Variants in RAPGEF2 observed in about 807,000 individuals in gnomAD.
The protein encoded by RAPGEF2 is Rap guanine nucleotide exchange factor 2.
RAPGEF2 carries 54 observed loss-of-function variants against 186.7 expected under a neutral mutation model. That is an observed-to-expected ratio of 0.29 (90% CI 0.23 to 0.36). The LOEUF (loss-of-function observed/expected upper bound fraction) is 0.36. RAPGEF2 is among the 10% of genes least tolerant of loss of function. The probability of loss-of-function intolerance (pLI) is 1.00; values close to 1 mark genes in which losing one functional copy is unlikely to be tolerated. For missense variants in RAPGEF2, 1,532 were observed against 2,045.0 expected, an observed-to-expected ratio of 0.75 and a Z score of 4.84; for synonymous variants, 712 against 705.9, an observed-to-expected ratio of 1.01 and a Z score of -0.14.
At chr4:159,173,918 T>G (rs910916035) in intron 1 of RAPGEF2, among the ~76,000 whole-genome samples, 12 of 152,206 alleles carry the variant, frequency 7.9e-5, no homozygotes, top group Admixed American at 7.2e-4. Context: ...ATAAGATACT[T>G]TTAAAATGAA....
chr4:159,116,211 A>G (rs181018026), intron 1 of RAPGEF2, among the ~76,000 whole-genome samples: 53 of 152,302 alleles, frequency 3.5e-4, no homozygotes, highest in African/African-American at 1.2e-3. Flanking sequence ...AATATCCACA[A>G]TCTACAAGGA....
At chr4:159,177,667 C>T (rs1464343241) in intron 1 of RAPGEF2, among the ~76,000 whole-genome samples, 2 of 152,146 alleles carry the variant, frequency 1.3e-5, no homozygotes. Flanking sequence ...GCAGCTTAAC[C>T]ATAGCATATC....
At chr4:159,251,602 CCAAT>C (rs1437747598) in intron 7 of RAPGEF2, among the ~76,000 whole-genome samples, 1 of 152,004 alleles carries the variant, frequency 6.6e-6, no homozygotes, top group Non-Finnish European at 1.5e-5. Context: ...TGTAAACGCA[CCAAT>C]CAGTGCTCTG....
At chr4:159,132,374 G>T (rs1166968874) in intron 1 of RAPGEF2, among the ~76,000 whole-genome samples, 1 of 152,190 alleles carries the variant, frequency 6.6e-6, no homozygotes. Context: ...GTTGTGATGG[G>T]TGTGTGTATC....
At chr4:159,276,910 G>A (rs1459240753) in intron 7 of RAPGEF2, among the ~76,000 whole-genome samples, 1 of 151,978 alleles carries the variant, frequency 6.6e-6, no homozygotes. Flanking sequence ...AGCAAGACTA[G>A]TTAGGGACTA....
chr4:159,204,081 AC>A (rs1749721390), intron 3 of RAPGEF2, among the ~76,000 whole-genome samples: 2 of 152,330 alleles, frequency 1.3e-5, no homozygotes, highest in African/African-American at 4.8e-5. Flanking sequence ...GATCCGATTT[AC>A]CTGAGCAAAT....
At chr4:159,249,131 C>T (rs528565741) in intron 7 of RAPGEF2, among the ~76,000 whole-genome samples, 1 of 152,190 alleles carries the variant, frequency 6.6e-6, no homozygotes, top group South Asian at 2.1e-4. Context: ...GCTCTCTGTG[C>T]TTGTACATGT....
chr4:159,195,440 A>G (rs1359144381), intron 3 of RAPGEF2, among the ~76,000 whole-genome samples: 1 of 152,198 alleles, frequency 6.6e-6, no homozygotes. Context: ...CCGACATTTA[A>G]CACGCACTTC....
intron 7 of RAPGEF2, among the ~76,000 whole-genome samples, chr4:159,244,514 A>C (rs1339160844): frequency 6.6e-6 from 1 of 151,932 alleles, no homozygotes; most frequent in African/African-American, 2.4e-5. Context: ...TTTCATTATG[A>C]GTTCTTTGAA....
At chr4:159,241,104 G>C in intron 5 of RAPGEF2, 97 bp from the exon 6 acceptor site, 1 of 995,582 alleles carries the variant, frequency 1.0e-6, no homozygotes, top group Non-Finnish European at 1.4e-6. Flanking sequence ...TTTGCAAGAT[G>C]ATTGAATATG....
chr4:159,242,966 C>A (rs1238561248), intron 6 of RAPGEF2, among the ~76,000 whole-genome samples: 1 of 151,954 alleles, frequency 6.6e-6, no homozygotes, highest in Non-Finnish European at 1.5e-5. Flanking sequence ...ATATTTGTCA[C>A]ACTTTAGTTG....
chr4:159,358,447 C>A lies in RAPGEF2; in HGVS notation c.*308C>A, dbSNP rs1028657486. ...GTATCATTCCAAATTCCAAGATCATCACAACAAGATGATTCACTCTGGCTG... is the reference window on the plus strand; with the variant it reads ...GTATCATTCCAAATTCCAAGATCATAACAACAAGATGATTCACTCTGGCTG... On this transcript the variant is annotated 3_prime_UTR_variant, in exon 30 of 30. Coordinates refer to ENST00000691494, the MANE Select transcript of RAPGEF2 (RefSeq NM_001394067.2). The A allele has an allele frequency of 2.9e-6, 1 of 350,574 alleles. No homozygotes were observed. Among genetic ancestry groups the A allele is most frequent in the Admixed American group, 4.7e-5 (1 of 21,274 alleles). 21.7% of individuals were successfully genotyped at this position (350,574 alleles called of 1,614,324 possible). A position where few individuals can be genotyped will look rare whatever the true frequency, so the allele number is the denominator to read the frequency against.
intron 6 of RAPGEF2, among the ~76,000 whole-genome samples, chr4:159,243,384 T>C (rs188385541): frequency 8.4e-4 from 128 of 151,972 alleles, no homozygotes; most frequent in Middle Eastern, 3.4e-3. Context: ...TGTAGGAAGA[T>C]TGCAAAATTT....
At chr4:159,114,078 G>A (rs1338497473) in intron 1 of RAPGEF2, among the ~76,000 whole-genome samples, 1 of 151,166 alleles carries the variant, frequency 6.6e-6, no homozygotes, top group Non-Finnish European at 1.5e-5. Context: ...TTAGGCTCCT[G>A]AGTAGCTGGG....
intron 1 of RAPGEF2, among the ~76,000 whole-genome samples, chr4:159,123,210 C>T (rs1560985207): frequency 1.3e-5 from 2 of 152,092 alleles, no homozygotes; most frequent in Non-Finnish European, 2.9e-5. Context: ...TAGGGGTTGG[C>T]GCCTCTAATA....
chr4:159,300,085 T>TTTTTACA (rs1762467736), intron 7 of RAPGEF2, among the ~76,000 whole-genome samples: 2 of 151,588 alleles, frequency 1.3e-5, no homozygotes, highest in Non-Finnish European at 2.9e-5. Flanking sequence ...TATCCTTTAT[T>TTTTTACA]AATATTATAA....
At chr4:159,131,310 A>G (rs951320690) in intron 1 of RAPGEF2, among the ~76,000 whole-genome samples, 1 of 152,022 alleles carries the variant, frequency 6.6e-6, no homozygotes, top group East Asian at 1.9e-4. Context: ...GGGTTTCTCC[A>G]TGTTGGTCAG....
Position 159,331,669 on chromosome 4 carries a change from G to A in RAPGEF2, c.1615G>A (p.Ala539Thr). The change falls in exon 15 of 30, where the codon GCT (alanine) becomes ACT (threonine). Residue 539 changes from alanine to threonine, a missense_variant. Coordinates refer to ENST00000691494, the MANE Select transcript of RAPGEF2 (RefSeq NM_001394067.2). ...GHLRLLNIAC[A>T]AKAKRRLMTL... ...CCTAAGGCTGTTGAATATCGCGTGT[G>A]CTGCTAAAGCAAAAAGAAGATTGAT... is the stretch of plus-strand genomic sequence containing the variant. 1 of 1,614,124 alleles carries A rather than the reference G, an allele frequency of 6.2e-7. No homozygotes were observed. Among genetic ancestry groups the A allele is most frequent in the Non-Finnish European group, 8.5e-7 (1 of 1,179,986 alleles).
At chr4:159,223,840 A>G (rs555147311) in intron 4 of RAPGEF2, among the ~76,000 whole-genome samples, 43 of 152,258 alleles carry the variant, frequency 2.8e-4, no homozygotes, top group African/African-American at 9.4e-4. Flanking sequence ...TGGGAACACA[A>G]CTAAAGAGTT....
Sources: gnomAD v4.1 joint callset for allele counts (sites outside exome capture counted in the v4.1 genomes callset) on GRCh38, gnomAD v4.1.1 for gene constraint, MANE v1.5 for transcripts, NCBI Gene and HGNC (gene_info 2026-07-23, HGNC 2026-07-21) for gene names.